The following GRIK1 variants were observed in gnomAD, a reference collection of about 807,000 sequenced individuals.
GRIK1 encodes glutamate ionotropic receptor kainate type subunit 1, also known as glutamate receptor ionotropic, kainate 1.
In GRIK1, 69 loss-of-function variants were observed where a neutral mutation model predicts 105.7. The ratio of observed to expected loss-of-function variants is 0.65; its 90% CI spans 0.54 to 0.80. The LOEUF (loss-of-function observed/expected upper bound fraction) is 0.80, where lower values mean the gene tolerates loss of function less well. Ranked by LOEUF, GRIK1 falls within the 30% of genes least tolerant of loss-of-function variation. GRIK1 has a pLI of 0.00. For synonymous variants in GRIK1, 438 were observed against 431.3 expected, an observed-to-expected ratio of 1.02 and a Z score of -0.19; for missense variants, 1,109 against 1,167.3, an observed-to-expected ratio of 0.95 and a Z score of 0.73.
intron 7 of GRIK1, among the ~76,000 whole-genome samples, chr21:29,618,654 T>G (rs933958705): frequency 2.0e-5 from 3 of 152,172 alleles, no homozygotes; most frequent in Non-Finnish European, 2.9e-5. Flanking sequence ...GTGTGATATA[T>G]ATATGCACAA....
At chr21:29,637,384 C>G (rs774669244) in intron 7 of GRIK1, among the ~76,000 whole-genome samples, 10 of 152,206 alleles carry the variant, frequency 6.6e-5, no homozygotes, top group Non-Finnish European at 2.9e-5. Context: ...TCCTCGGCCC[C>G]TACATTCAGC....
intron 1 of GRIK1, among the ~76,000 whole-genome samples, chr21:29,830,312 C>CACACACACACAA (rs2067591662): frequency 3.5e-5 from 4 of 113,194 alleles, no homozygotes; most frequent in African/African-American, 1.8e-4. Context: ...CCTCCCCACA[C>CACACACACACAA]ACACACACAC....
chr21:29,889,864 A>G (rs2069826150), intron 1 of GRIK1, among the ~76,000 whole-genome samples: 1 of 152,090 alleles, frequency 6.6e-6, no homozygotes, highest in African/African-American at 2.4e-5. Flanking sequence ...GAAGGAAGAT[A>G]AAGCTAAGTA....
At position 29,544,791 on chromosome 21, in the gene GRIK1, G is replaced by A. The variant is rs533753306; in HGVS notation, c.2608-6907C>T. The stretch of plus-strand genomic sequence containing the variant: ...CAGCCTATAGGACTGAGGATGGAGT[G>A]TAAAGAAAGGGTTGTCTCGTAGCTG... On this transcript the variant is annotated intron_variant, in intron 16 of 17. Transcript: ENST00000327783. 8.8e-4 allele frequency among the ~76,000 whole-genome samples: 134 copies of A among 152,332 alleles called. 5 individuals are homozygous for A. In the South Asian group the frequency reaches 0.027, roughly 31 times the overall value.
intron 1 of GRIK1, among the ~76,000 whole-genome samples, chr21:29,937,020 T>C (rs535761030): frequency 1.0e-3 from 157 of 152,340 alleles, no homozygotes; most frequent in Non-Finnish European, 2.0e-3. Context: ...GGATGGGTGA[T>C]GGTTTGTTGG....
chr21:29,677,987 C>T (rs1328440119), intron 3 of GRIK1, among the ~76,000 whole-genome samples: 3 of 152,156 alleles, frequency 2.0e-5, no homozygotes, highest in South Asian at 2.1e-4. Context: ...TAATGAGTCT[C>T]GGTTCAAAAG....
Position 29,856,171 on chromosome 21 carries a change from C to T in GRIK1, c.118+83212G>A, listed in dbSNP as rs193105466. ...TTTAGTATCATGGGGCTGGGAGAGTCATTCAGAGAGACTCTATAGCGGGAG... is the reference window on the plus strand; with the variant it reads ...TTTAGTATCATGGGGCTGGGAGAGTTATTCAGAGAGACTCTATAGCGGGAG... On this transcript the variant is annotated intron_variant, in intron 1 of 17. Coordinates refer to ENST00000327783, the MANE Select transcript of GRIK1 (RefSeq NM_001330994.2). Among the ~76,000 whole-genome samples the T allele has an allele frequency of 2.2e-4, 34 of 152,146 alleles. 1 individual carries two copies. Among genetic ancestry groups the T allele is most frequent in the African/African-American group, 7.7e-4 (32 of 41,518 alleles).
chr21:29,825,115 A>C (rs1363723201), intron 1 of GRIK1, among the ~76,000 whole-genome samples: 1 of 152,122 alleles, frequency 6.6e-6, no homozygotes. Context: ...TGATTAAAGA[A>C]TAATTCGGTT....
chr21:29,771,753 A>C (rs1232977553), intron 1 of GRIK1, among the ~76,000 whole-genome samples: 1 of 152,188 alleles, frequency 6.6e-6, no homozygotes, highest in Non-Finnish European at 1.5e-5. Flanking sequence ...ATCACCCAGT[A>C]AGCACCTTTT....
chr21:29,766,108 A>G (rs896713122), intron 1 of GRIK1, among the ~76,000 whole-genome samples: 4 of 152,014 alleles, frequency 2.6e-5, no homozygotes, highest in African/African-American at 9.7e-5. Context: ...CTTGGCCTCC[A>G]AAAGTGCTGG....
intron 1 of GRIK1, among the ~76,000 whole-genome samples, chr21:29,812,195 C>A (rs915413086): frequency 2.0e-5 from 3 of 152,136 alleles, no homozygotes; most frequent in Admixed American, 1.3e-4. Context: ...CTGTCTTACT[C>A]TCTACTGTAA....
At chr21:29,891,149 T>C (rs557381755) in intron 1 of GRIK1, among the ~76,000 whole-genome samples, 1 of 152,302 alleles carries the variant, frequency 6.6e-6, no homozygotes, top group East Asian at 1.9e-4. Flanking sequence ...TTTTAGATCA[T>C]TTTGATATTT....
intron 1 of GRIK1, among the ~76,000 whole-genome samples, chr21:29,936,336 T>C (rs957188323): frequency 3.3e-5 from 5 of 152,218 alleles, no homozygotes; most frequent in South Asian, 4.1e-4. Context: ...GCACTTGGAA[T>C]ATTTTTTTAA....
chr21:29,560,524 CTTTCTTTCTTT>C (rs2090438341), intron 15 of GRIK1, among the ~76,000 whole-genome samples: 1 of 67,800 alleles, frequency 1.5e-5, no homozygotes, highest in Non-Finnish European at 2.7e-5. Context: ...TCCTTCCTTT[CTTTCTTTCTTT>C]CTTTCTTTCT....
chr21:29,778,086 G>T (rs1458851817), intron 1 of GRIK1, among the ~76,000 whole-genome samples: 3 of 152,182 alleles, frequency 2.0e-5, no homozygotes, highest in African/African-American at 7.2e-5. Context: ...GTTAAATGTG[G>T]TTGTGGGTAA....
chr21:29,912,137 AGCAGGAGCATCGCCATCTT>A (rs2070839065), intron 1 of GRIK1, among the ~76,000 whole-genome samples: 1 of 152,120 alleles, frequency 6.6e-6, no homozygotes, highest in Non-Finnish European at 1.5e-5. Context: ...AAGGTGACAG[AGCAGGAGCATCGCCATCTT>A]GCACAAGCAC....
At chr21:29,562,049 C>T (rs570375929) in intron 14 of GRIK1, among the ~76,000 whole-genome samples, 200 bp from the exon 15 acceptor site, 6 of 152,278 alleles carry the variant, frequency 3.9e-5, no homozygotes, top group South Asian at 2.1e-4. Flanking sequence ...AGCATTTGCA[C>T]GGAGGCAGCT....
At chr21:29,537,481 T>A in intron 17 of GRIK1, 96 bp from the exon 18 acceptor site, 1 of 984,822 alleles carries the variant, frequency 1.0e-6, no homozygotes, top group Non-Finnish European at 1.5e-6. Context: ...CACAAGATAT[T>A]GGCTTGAAGG....
At chr21:29,867,914 GAGAA>G (rs1332264203) in intron 1 of GRIK1, among the ~76,000 whole-genome samples, 1,475 of 132,112 alleles carry the variant, frequency 0.011, 41 homozygotes, top group African/African-American at 0.047. Context: ...AAGAAAGAGA[GAGAA>G]AGAGAGAAAG....
Sources: allele counts gnomAD v4.1 joint callset (sites outside exome capture counted in the v4.1 genomes callset), GRCh38; gene constraint gnomAD v4.1.1; transcripts MANE v1.5; gene names NCBI Gene and HGNC (gene_info 2026-07-23, HGNC 2026-07-21).